The following FAM167A variants were observed in gnomAD, a reference collection of about 807,000 sequenced individuals.
FAM167A encodes the protein family with sequence similarity 167 member A, also known as protein FAM167A.
FAM167A carries 23 observed loss-of-function variants against 14.9 expected under a neutral mutation model. The observed-to-expected ratio is 1.55, with a 90% CI of 1.11 to 2.19. The LOEUF (loss-of-function observed/expected upper bound fraction) is 2.19. Among genes scored for constraint, FAM167A ranks in the 30% most tolerant of loss-of-function variants. FAM167A has a pLI of 0.00. For synonymous variants in FAM167A, 174 were observed against 117.7 expected (o/e 1.48, Z -3.10); for missense variants, 401 against 281.5 (o/e 1.42, Z -3.04).
At chr8:11,432,984 T>C (rs887150390) in intron 2 of FAM167A, among the ~76,000 whole-genome samples, 5 of 152,176 alleles carry the variant, frequency 3.3e-5, no homozygotes, top group African/African-American at 1.2e-4. Context: ...AAACACGGCA[T>C]GTTCTTACTC....
chr8:11,438,191 C>T (rs754890844), intron 2 of FAM167A: 4 of 452,770 alleles, frequency 8.8e-6, no homozygotes, highest in South Asian at 3.1e-5. Context: ...GCCCCGGAAT[C>T]GCCATGAGCT....
Position 11,444,817 on chromosome 8 carries a change from G to C in FAM167A, c.-397-9C>G. 1.0e-6 allele frequency: 1 copy of C among 1,002,796 alleles called. No individual in the cohort carries two copies. The highest frequency in any genetic ancestry group is 1.2e-6 in the Non-Finnish European group (1 of 840,908). 62.1% of individuals were successfully genotyped at this position (1,002,796 alleles called of 1,614,324 possible). On this transcript the variant is annotated splice_polypyrimidine_tract_variant and intron_variant, in intron 1 of 2. Coordinates refer to ENST00000284486, the MANE Select transcript of FAM167A (RefSeq NM_053279.3). ...GCAGGTGGCTGGAGACCCTGTGGGA[G>C]GGATGAGAACCGCATCAGTCCCGAT...
intron 1 of FAM167A, chr8:11,445,508 G>C (rs1806732187): frequency 2.0e-6 from 2 of 985,518 alleles, no homozygotes; most frequent in South Asian, 4.7e-5. Flanking sequence ...AAACAAGCAG[G>C]CTGTGACTCA....
chr8:11,469,240 C>A (rs550001751), upstream of FAM167A, among the ~76,000 whole-genome samples: 2 of 152,316 alleles, frequency 1.3e-5, no homozygotes, highest in East Asian at 3.9e-4. Flanking sequence ...GTCGTTATCT[C>A]TGGGCTGCAG....
rs374639232 is a variant in FAM167A, at chr8:11,424,409, C to A, written c.609G>T (p.Lys203Asn). ...AGAACCTCCGAGAGTTGATGTTCAT[C>A]TTGGTCACGCCAATAAGCTTGAGTG... is the stretch of plus-strand genomic sequence containing the variant. ...STPLKLIGVT[K>N]MNINSRRFSL... The change falls in exon 3 of 3, where the codon AAG becomes AAT. Residue 203 changes from lysine (K) to asparagine (N), a missense_variant. Coordinates refer to ENST00000284486, the MANE Select transcript of FAM167A (RefSeq NM_053279.3). The A allele has an allele frequency of 1.9e-5, 31 of 1,613,948 alleles. No individual in the cohort carries two copies. Among genetic ancestry groups the A allele is most frequent in the Non-Finnish European group, 2.5e-5 (29 of 1,180,022 alleles).
intron 1 of FAM167A, among the ~76,000 whole-genome samples, chr8:11,460,767 A>G (rs1807506426): frequency 6.6e-6 from 1 of 152,136 alleles, no homozygotes; most frequent in Non-Finnish European, 1.5e-5. Context: ...CCACAGCTCC[A>G]TGAGTGGCGC....
chr8:11,444,469 T>G lies in FAM167A; in HGVS notation c.-58A>C. On this transcript the variant is annotated 5_prime_UTR_variant, in exon 2 of 3. Transcript: ENST00000284486. ...GGGCACGGGGGGCGCAGGGGGAGGC[T>G]TGGTGGGTGGCACAGTTGGGTCCCG... 6.6e-7 allele frequency: 1 copy of G among 1,503,894 alleles called. No individual in the cohort carries two copies. The highest frequency in any genetic ancestry group is 8.9e-7 in the Non-Finnish European group (1 of 1,129,666). 93.2% of individuals were successfully genotyped at this position (1,503,894 alleles called of 1,614,324 possible).
At chr8:11,425,673 C>T (rs537535721) in intron 2 of FAM167A, among the ~76,000 whole-genome samples, 2 of 152,072 alleles carry the variant, frequency 1.3e-5, no homozygotes, top group African/African-American at 4.8e-5. Context: ...GTTATACCCC[C>T]CCTTGCTGTT....
rs952745978 is a variant in FAM167A, at chr8:11,442,066, G to A, written c.381+1965C>T. Among the ~76,000 whole-genome samples, 13 of 152,184 alleles carry A rather than the reference G, an allele frequency of 8.5e-5. 1 individual carries two copies. The highest frequency in any genetic ancestry group is 5.9e-4 in the Admixed American group (9 of 15,270). The stretch of plus-strand genomic sequence containing the variant: ...CTAATATTCCCTTTACCCTATGTAC[G>A]ACAGCCTTTGGTAGTCAGATTAGTC... On this transcript the variant is annotated intron_variant, in intron 2 of 2. Coordinates refer to ENST00000284486, the MANE Select transcript of FAM167A (RefSeq NM_053279.3).
chr8:11,425,659 C>A (rs1469975519), intron 2 of FAM167A, among the ~76,000 whole-genome samples: 1 of 144,912 alleles, frequency 6.9e-6, no homozygotes, highest in Admixed American at 6.8e-5. Flanking sequence ...TTCAGACATG[C>A]TTTGTTATAC....
chr8:11,448,843 G>A (rs965062181), intron 1 of FAM167A, among the ~76,000 whole-genome samples: 1 of 152,214 alleles, frequency 6.6e-6, no homozygotes, highest in African/African-American at 2.4e-5. Context: ...CAGCACTGCT[G>A]ACAAGCCGAG....
intron 1 of FAM167A, among the ~76,000 whole-genome samples, chr8:11,464,615 G>A (rs143531271): frequency 2.6e-5 from 4 of 152,308 alleles, no homozygotes; most frequent in African/African-American, 9.6e-5. Context: ...TGGCACGTGC[G>A]TGCTCTCCCA....
chr8:11,460,170 C>G (rs1471567036), intron 1 of FAM167A, among the ~76,000 whole-genome samples: 2 of 152,274 alleles, frequency 1.3e-5, no homozygotes, highest in Non-Finnish European at 2.9e-5. Context: ...CTGGGAGGGG[C>G]AGGCGCCCTA....
At chr8:11,464,267 C>A (rs1337108157) in intron 1 of FAM167A, among the ~76,000 whole-genome samples, 1 of 152,106 alleles carries the variant, frequency 6.6e-6, no homozygotes, top group Non-Finnish European at 1.5e-5. Flanking sequence ...AAGAGTTGGC[C>A]TTTAATGGAC....
Position 11,424,314 on chromosome 8 carries a change from C to T in FAM167A, c.*59G>A, listed in dbSNP as rs370672901. The T allele has an allele frequency of 6.3e-7, 1 of 1,599,156 alleles. No homozygotes were observed. Among genetic ancestry groups the T allele is most frequent in the African/African-American group, 1.3e-5 (1 of 74,500 alleles). On this transcript the variant is annotated 3_prime_UTR_variant, in exon 3 of 3. Transcript: ENST00000284486. ...TGGAGTAACTTGGCCTCAGCTTCCT[C>T]TGACACCCCTCCAGCCCAAGCCCTC...
intron 1 of FAM167A, among the ~76,000 whole-genome samples, chr8:11,459,929 T>C (rs1585278661): frequency 1.3e-5 from 2 of 152,332 alleles, no homozygotes; most frequent in Middle Eastern, 3.4e-3. Flanking sequence ...GGTTTCACCA[T>C]ATTGGCCAGG....
intron 2 of FAM167A, among the ~76,000 whole-genome samples, chr8:11,431,066 C>T (rs1328099309): frequency 6.6e-6 from 1 of 152,198 alleles, no homozygotes; most frequent in Non-Finnish European, 1.5e-5. Flanking sequence ...GGTACACACC[C>T]CAAACAAATG....
rs375598532 is a variant in FAM167A at position 11,443,440 on chromosome 8, G to A, written c.381+591C>T. Among the ~76,000 whole-genome samples, 17 of 152,272 alleles carry A rather than the reference G, an allele frequency of 1.1e-4. No individual in the cohort carries two copies. In the East Asian group the frequency reaches 3.1e-3, roughly 28 times the overall value. On this transcript the variant is annotated intron_variant, in intron 2 of 2. Coordinates refer to ENST00000284486, the MANE Select transcript of FAM167A (RefSeq NM_053279.3). ...AACTCCTCCTCTGAGCCTCCTCACC[G>A]AGCTTCTCCCCAGGCAGGACCCATC...
intron 2 of FAM167A, among the ~76,000 whole-genome samples, chr8:11,440,786 G>A (rs1240208930): frequency 6.6e-6 from 1 of 152,254 alleles, no homozygotes; most frequent in Non-Finnish European, 1.5e-5. Context: ...TTGCCCAGGT[G>A]TAGAGAAAAC....
Sources: gnomAD v4.1 joint callset for allele counts (sites outside exome capture counted in the v4.1 genomes callset) on GRCh38, gnomAD v4.1.1 for gene constraint, MANE v1.5 for transcripts, NCBI Gene and HGNC (gene_info 2026-07-23, HGNC 2026-07-21) for gene names.